The following SNX29 variants were observed in gnomAD, a reference collection of about 807,000 sequenced individuals.
SNX29 encodes the protein sorting nexin 29.
A neutral mutation model predicts 102.1 loss-of-function variants in SNX29; 78 were observed. The ratio of observed to expected loss-of-function variants is 0.76; its 90% CI spans 0.64 to 0.92. The LOEUF (loss-of-function observed/expected upper bound fraction) is 0.92. SNX29 is among the 40% of genes least tolerant of loss of function. The pLI is 0.00. For missense variants in SNX29, 1,280 were observed against 1,061.7 expected (o/e 1.21, Z -2.86); for synonymous variants, 580 against 414.5 (o/e 1.40, Z -4.85).
chr16:12,161,955 C>G (rs536582495), intron 13 of SNX29, among the ~76,000 whole-genome samples: 1 of 152,324 alleles, frequency 6.6e-6, no homozygotes, highest in Non-Finnish European at 1.5e-5. Flanking sequence ...ATGAGCAATG[C>G]AAAATGGACT....
intron 20 of SNX29, among the ~76,000 whole-genome samples, chr16:12,535,779 CAG>C (rs2077059152): frequency 6.6e-6 from 1 of 151,890 alleles, no homozygotes; most frequent in African/African-American, 2.4e-5. Flanking sequence ...TGGAGGTCCT[CAG>C]AGTATAGAGG....
chr16:12,310,844 C>A (rs118067551), intron 15 of SNX29, among the ~76,000 whole-genome samples: 1 of 152,176 alleles, frequency 6.6e-6, no homozygotes, highest in African/African-American at 2.4e-5. Context: ...CCAGGGCATC[C>A]TGGCACATAG....
chr16:12,536,417 G>A (rs1262527063), intron 20 of SNX29, among the ~76,000 whole-genome samples: 9 of 152,006 alleles, frequency 5.9e-5, no homozygotes, highest in South Asian at 2.1e-4. Flanking sequence ...GGCCTCATCA[G>A]TAAGGAGGGC....
intron 15 of SNX29, among the ~76,000 whole-genome samples, chr16:12,311,791 G>C (rs1388687328): frequency 1.3e-5 from 2 of 152,252 alleles, no homozygotes; most frequent in Non-Finnish European, 2.9e-5. Flanking sequence ...ATGGCACCTG[G>C]AGCAGGATGG....
chr16:12,440,360 T>TGGCTGTTAGCA (rs935779260), intron 18 of SNX29, among the ~76,000 whole-genome samples: 5 of 152,214 alleles, frequency 3.3e-5, no homozygotes, highest in Admixed American at 6.5e-5. Flanking sequence ...AGAAACTCTG[T>TGGCTGTTAGCA]GGCTGTTAGC....
chr16:12,440,724 G>A (rs2085761405), intron 18 of SNX29, among the ~76,000 whole-genome samples: 1 of 152,112 alleles, frequency 6.6e-6, no homozygotes, highest in East Asian at 1.9e-4. Context: ...AGTTTGATAA[G>A]GATAATGGCC....
At chr16:12,347,147 T>C (rs2081837663) in intron 15 of SNX29, among the ~76,000 whole-genome samples, 3 of 151,952 alleles carry the variant, frequency 2.0e-5, no homozygotes, top group African/African-American at 7.3e-5. Flanking sequence ...AGGGAACCTT[T>C]GAAATGTGAA....
At chr16:12,181,216 A>T (rs1274624789) in intron 13 of SNX29, among the ~76,000 whole-genome samples, 1 of 152,308 alleles carries the variant, frequency 6.6e-6, no homozygotes, top group East Asian at 1.9e-4. Flanking sequence ...TAATTTAGAA[A>T]GTTTATTTTG....
intron 14 of SNX29, among the ~76,000 whole-genome samples, chr16:12,205,607 C>G (rs1341908391): frequency 2.0e-5 from 3 of 152,234 alleles, no homozygotes; most frequent in Admixed American, 6.5e-5. Context: ...ACGCTCTTCC[C>G]TGGTCTCTGT....
intron 20 of SNX29, among the ~76,000 whole-genome samples, chr16:12,530,962 A>C (rs1054743438): frequency 6.6e-6 from 1 of 152,088 alleles, no homozygotes; most frequent in Non-Finnish European, 1.5e-5. Flanking sequence ...TTGAACAGTT[A>C]AGAGGTTTCC....
At chr16:12,408,550 G>A (rs2084267236) in intron 18 of SNX29, among the ~76,000 whole-genome samples, 1 of 152,270 alleles carries the variant, frequency 6.6e-6, no homozygotes, top group Admixed American at 6.5e-5. Flanking sequence ...GCCAGGTGCA[G>A]TGGCCCATGC....
intron 16 of SNX29, among the ~76,000 whole-genome samples, chr16:12,365,504 A>G (rs2082439902): frequency 6.6e-6 from 1 of 151,280 alleles, no homozygotes; most frequent in South Asian, 2.1e-4. Flanking sequence ...GGCCTGGCCA[A>G]CATGGTGAAA....
chr16:12,333,953 A>G (rs1868783098), intron 15 of SNX29, among the ~76,000 whole-genome samples: 1 of 152,170 alleles, frequency 6.6e-6, no homozygotes, highest in African/African-American at 2.4e-5. Flanking sequence ...TCTCACTGAA[A>G]TGAATGTAAC....
At chr16:12,538,803 A>G (rs754963015) in intron 20 of SNX29, among the ~76,000 whole-genome samples, 1 of 152,216 alleles carries the variant, frequency 6.6e-6, no homozygotes, top group Non-Finnish European at 1.5e-5. Context: ...TACAAGGCAG[A>G]AACCAGAGTC....
chr16:12,290,175 C>G (rs944208120), intron 15 of SNX29, among the ~76,000 whole-genome samples: 3 of 152,136 alleles, frequency 2.0e-5, no homozygotes, highest in African/African-American at 7.2e-5. Context: ...GTAAAAGTAA[C>G]ATGTTCACAT....
chr16:12,329,442 C>T (rs183174232), intron 15 of SNX29, among the ~76,000 whole-genome samples: 121 of 152,238 alleles, frequency 7.9e-4, no homozygotes, highest in African/African-American at 2.9e-3. Context: ...TGGGTTTTGT[C>T]ATCCCAGCCA....
chr16:12,418,959 C>T (rs1167962250), intron 18 of SNX29, among the ~76,000 whole-genome samples: 1 of 152,172 alleles, frequency 6.6e-6, no homozygotes, highest in Non-Finnish European at 1.5e-5. Context: ...CTGTCTGATG[C>T]CTCCCTTGCT....
At chr16:12,379,999 A>AGG (rs1393267726) in intron 16 of SNX29, among the ~76,000 whole-genome samples, 1 of 152,110 alleles carries the variant, frequency 6.6e-6, no homozygotes, top group Non-Finnish European at 1.5e-5. Context: ...GTTGTCCAGG[A>AGG]GGCAGATTCT....
chr16:12,516,870 G>T (rs1325558050), intron 19 of SNX29, among the ~76,000 whole-genome samples: 1 of 152,126 alleles, frequency 6.6e-6, no homozygotes, highest in Non-Finnish European at 1.5e-5. Flanking sequence ...ACAGGGGGCG[G>T]GGCCTGAGCA....
Sources: allele counts gnomAD v4.1 joint callset (sites outside exome capture counted in the v4.1 genomes callset), GRCh38; gene constraint gnomAD v4.1.1; transcripts MANE v1.5; gene names NCBI Gene and HGNC (gene_info 2026-07-23, HGNC 2026-07-21).